Variants in SYT14 observed in about 807,000 individuals in gnomAD.
The protein encoded by SYT14 is synaptotagmin 14.
SYT14 carries 32 observed loss-of-function variants against 74.2 expected under a neutral mutation model. The ratio of observed to expected loss-of-function variants is 0.43; its 90% CI spans 0.33 to 0.58. SYT14 has a LOEUF of 0.58. SYT14 is among the 20% of genes least tolerant of loss of function. SYT14 has a pLI of 0.05. For missense variants in SYT14, 791 were observed against 981.8 expected, an observed-to-expected ratio of 0.81 and a Z score of 2.60; for synonymous variants, 298 against 337.7, an observed-to-expected ratio of 0.88 and a Z score of 1.29.
At chr1:210,037,734 T>A (rs2080699283) in intron 5 of SYT14, among the ~76,000 whole-genome samples, 1 of 152,036 alleles carries the variant, frequency 6.6e-6, no homozygotes, top group African/African-American at 2.4e-5. Context: ...TTCCATATAT[T>A]TGTATAGTTT....
At chr1:210,078,486 G>T (rs998559040) in intron 5 of SYT14, among the ~76,000 whole-genome samples, 2 of 151,928 alleles carry the variant, frequency 1.3e-5, no homozygotes, top group Non-Finnish European at 2.9e-5. Flanking sequence ...AAAACAAATT[G>T]TATTTCTTAT....
At chr1:209,950,244 T>C (rs2078890999) in intron 1 of SYT14, among the ~76,000 whole-genome samples, 2 of 152,210 alleles carry the variant, frequency 1.3e-5, no homozygotes, top group Non-Finnish European at 2.9e-5. Context: ...AGCCTTAATA[T>C]GTATGGAGAA....
intron 2 of SYT14, among the ~76,000 whole-genome samples, chr1:209,983,619 G>GT (rs1016208699): frequency 1.3e-5 from 2 of 151,904 alleles, no homozygotes; most frequent in African/African-American, 2.4e-5. Context: ...GTGTGTGTGT[G>GT]TTTTTTCTGT....
intron 2 of SYT14, among the ~76,000 whole-genome samples, chr1:209,955,975 A>G (rs2078985320): frequency 6.6e-6 from 1 of 152,114 alleles, no homozygotes; most frequent in Non-Finnish European, 1.5e-5. Flanking sequence ...TTTATAATCA[A>G]TATTGTTTGC....
intron 2 of SYT14, among the ~76,000 whole-genome samples, chr1:209,999,036 A>G (rs2079846961): frequency 6.6e-6 from 1 of 152,094 alleles, no homozygotes. Flanking sequence ...AAGTATTAGC[A>G]GGAACTTATT....
chr1:210,156,908 G>T (rs1324968977), intron 8 of SYT14: 2 of 386,594 alleles, frequency 5.2e-6, no homozygotes, highest in African/African-American at 4.1e-5. Flanking sequence ...TGATCAAGCT[G>T]GTCGCAAGCT....
intron 4 of SYT14, among the ~76,000 whole-genome samples, chr1:210,020,471 C>G (rs945451836): frequency 6.6e-6 from 1 of 152,110 alleles, no homozygotes; most frequent in African/African-American, 2.4e-5. Context: ...CCAAATTGCT[C>G]TCTAGGAAAG....
chr1:210,119,982 T>G (rs1429903595), intron 7 of SYT14, among the ~76,000 whole-genome samples: 1 of 152,234 alleles, frequency 6.6e-6, no homozygotes, highest in Non-Finnish European at 1.5e-5. Flanking sequence ...CTACCATTTT[T>G]GGTAACGATA....
chr1:210,056,010 A>G (rs2081089127), intron 5 of SYT14, among the ~76,000 whole-genome samples: 1 of 152,134 alleles, frequency 6.6e-6, no homozygotes, highest in Non-Finnish European at 1.5e-5. Flanking sequence ...TTTGCCTAAG[A>G]CTAATCCTCA....
intron 7 of SYT14, among the ~76,000 whole-genome samples, chr1:210,151,893 G>A (rs770384186): frequency 4.6e-5 from 7 of 152,140 alleles, no homozygotes; most frequent in Non-Finnish European, 8.8e-5. Flanking sequence ...TTTGGGCATC[G>A]CTTTGTTTCT....
chr1:210,136,746 G>A (rs543004638), intron 7 of SYT14, among the ~76,000 whole-genome samples: 7 of 152,306 alleles, frequency 4.6e-5, no homozygotes, highest in Admixed American at 2.0e-4. Context: ...AGACCTCACC[G>A]TAGCCTCTGG....
chr1:210,147,545 A>G (rs2083065885), intron 7 of SYT14, among the ~76,000 whole-genome samples: 1 of 152,252 alleles, frequency 6.6e-6, no homozygotes, highest in African/African-American at 2.4e-5. Flanking sequence ...CTCAACAGCT[A>G]CAACAAAGGC....
chr1:210,126,877 T>C (rs1207325190), intron 7 of SYT14, among the ~76,000 whole-genome samples: 1 of 152,218 alleles, frequency 6.6e-6, no homozygotes, highest in African/African-American at 2.4e-5. Context: ...TATCATGAAA[T>C]ATGTTAACTC....
At chr1:210,152,850 G>A (rs2083192656) in intron 7 of SYT14, among the ~76,000 whole-genome samples, 1 of 132,550 alleles carries the variant, frequency 7.5e-6, no homozygotes, top group Admixed American at 8.3e-5. Flanking sequence ...TTGGTTTGAG[G>A]TTTTGGTTTT....
intron 7 of SYT14, among the ~76,000 whole-genome samples, chr1:210,110,274 A>T (rs1468513250): frequency 6.6e-6 from 1 of 152,202 alleles, no homozygotes; most frequent in Non-Finnish European, 1.5e-5. Flanking sequence ...AATAAAAAAA[A>T]TTTTTAAAAG....
At chr1:209,972,050 A>G (rs2079265666) in intron 2 of SYT14, among the ~76,000 whole-genome samples, 1 of 151,984 alleles carries the variant, frequency 6.6e-6, no homozygotes, top group South Asian at 2.1e-4. Context: ...TTTATTATTG[A>G]TTCAATTTTG....
At chr1:209,962,030 T>C (rs1275642982) in intron 2 of SYT14, among the ~76,000 whole-genome samples, 2 of 152,198 alleles carry the variant, frequency 1.3e-5, no homozygotes, top group Non-Finnish European at 2.9e-5. Context: ...TAAAATAATT[T>C]TTCTCTTATT....
chr1:210,123,712 T>A (rs962155100), intron 7 of SYT14, among the ~76,000 whole-genome samples: 1 of 152,158 alleles, frequency 6.6e-6, no homozygotes, highest in Non-Finnish European at 1.5e-5. Context: ...CGTTTAGAGT[T>A]TTTTGGGGAA....
intron 5 of SYT14, among the ~76,000 whole-genome samples, chr1:210,044,023 C>G (rs1271688891): frequency 6.6e-6 from 1 of 151,994 alleles, no homozygotes; most frequent in African/African-American, 2.4e-5. Flanking sequence ...TAAAGCAGTT[C>G]CCCATTCTTT....
Sources: allele counts gnomAD v4.1 joint callset (sites outside exome capture counted in the v4.1 genomes callset), GRCh38; gene constraint gnomAD v4.1.1; transcripts MANE v1.5; gene names NCBI Gene and HGNC (gene_info 2026-07-23, HGNC 2026-07-21).